SLC25A13: variants seen among roughly 807,000 people sequenced by gnomAD.
The protein encoded by SLC25A13 is solute carrier family 25 member 13, also known as electrogenic aspartate/glutamate antiporter SLC25A13, mitochondrial.
A neutral mutation model predicts 85.5 loss-of-function variants in SLC25A13; 70 were observed. The ratio of observed to expected loss-of-function variants is 0.82; its 90% CI spans 0.68 to 1.00. The LOEUF (loss-of-function observed/expected upper bound fraction) is 1.00, where lower values mean the gene tolerates loss of function less well. Among genes scored for constraint, SLC25A13 ranks in the 50% least tolerant of loss-of-function variants. The pLI is 0.00. For missense variants in SLC25A13, 765 were observed against 819.8 expected, an observed-to-expected ratio of 0.93 and a Z score of 0.82; for synonymous variants, 259 against 288.7, an observed-to-expected ratio of 0.90 and a Z score of 1.04.
At chr7:96,131,552 C>A (rs140299064) in intron 15 of SLC25A13, among the ~76,000 whole-genome samples, 191 bp downstream of exon 15, 100 of 152,290 alleles carry the variant, frequency 6.6e-4, no homozygotes, top group African/African-American at 2.2e-3. Flanking sequence ...TTAAGCTTGT[C>A]TAATAATCTC....
At chr7:96,152,617 G>A (rs1318409961) in intron 13 of SLC25A13, among the ~76,000 whole-genome samples, 1 of 152,200 alleles carries the variant, frequency 6.6e-6, no homozygotes, top group Admixed American at 6.5e-5. Context: ...GGCAGTGGAA[G>A]GGTGAGTTAA....
intron 11 of SLC25A13, among the ~76,000 whole-genome samples, chr7:96,177,826 A>G (rs2375044): frequency 0.42 from 64,181 of 151,932 alleles, 14,020 homozygotes; most frequent in East Asian, 0.61. Context: ...GTAGCACTCA[A>G]AGTTGAATTC....
Position 96,191,227 on chromosome 7 carries a change from G to C in SLC25A13, c.636C>G (p.Ser212=). 1 of 1,613,830 alleles carries C rather than the reference G, an allele frequency of 6.2e-7. No homozygotes were observed. Among genetic ancestry groups the C allele is most frequent in the South Asian group, 1.1e-5 (1 of 91,058 alleles). Reference sequence around the variant, plus strand: ...TAAAATAGGAGAAACTAACTTGATGGGATGTGGTACCTCCAGCAGCCTCAA... The same window carrying C: ...TAAAATAGGAGAAACTAACTTGATGCGATGTGGTACCTCCAGCAGCCTCAA... ...CLVAAAGGTT[S]HQVSFSYFNG... Residue 212 remains serine, a synonymous_variant, in exon 7 of 18, where the codon TCC becomes TCG. Coordinates refer to ENST00000265631, the MANE Select transcript of SLC25A13 (RefSeq NM_014251.3).
intron 4 of SLC25A13, among the ~76,000 whole-genome samples, chr7:96,228,830 C>A (rs988750754): frequency 3.1e-4 from 47 of 152,330 alleles, no homozygotes; most frequent in African/African-American, 1.1e-3. Flanking sequence ...CAGCCCTGGG[C>A]ACTGAGGGGC....
chr7:96,150,563 G>T (rs970070186), intron 13 of SLC25A13, among the ~76,000 whole-genome samples: 1 of 152,018 alleles, frequency 6.6e-6, no homozygotes, highest in East Asian at 1.9e-4. Context: ...TTGGAAACAG[G>T]GCCTTTAAAA....
rs529835831 is a variant in SLC25A13 at position 96,121,000 on chromosome 7, A to G, written c.*191T>C. 1.2e-4 allele frequency: 88 copies of G among 741,728 alleles called. No individual in the cohort carries two copies. The highest frequency in any genetic ancestry group is 1.8e-4 in the Non-Finnish European group (77 of 426,640). The allele number at this position is 741,728 out of a possible 1,614,324, so 45.9% of individuals were successfully genotyped here. A position where few individuals can be genotyped will look rare whatever the true frequency, so the allele number is the denominator to read the frequency against. On this transcript the variant is annotated 3_prime_UTR_variant, in exon 18 of 18. Transcript: ENST00000265631. ...CTGGGCAGAGGGCCAAATAATAATT[A>G]TGAATAATTTCACAATGATCTGGTT...
chr7:96,129,116 C>T (rs764674413), intron 15 of SLC25A13, among the ~76,000 whole-genome samples: 2 of 152,116 alleles, frequency 1.3e-5, no homozygotes, highest in Non-Finnish European at 2.9e-5. Flanking sequence ...GTGGCTTCTC[C>T]AATGTCAGTC....
chr7:96,219,607 T>C (rs535127454), intron 4 of SLC25A13: 10 of 497,690 alleles, frequency 2.0e-5, no homozygotes, highest in South Asian at 9.1e-5. Context: ...AGGAACTACA[T>C]TCCCTTGGAG....
chr7:96,280,660 A>G (rs764842719), intron 2 of SLC25A13, among the ~76,000 whole-genome samples: 1 of 152,184 alleles, frequency 6.6e-6, no homozygotes, highest in Non-Finnish European at 1.5e-5. Context: ...GGCTGCAGTG[A>G]GCCATGTTTG....
At chr7:96,197,993 T>C (rs990951853) in intron 5 of SLC25A13, among the ~76,000 whole-genome samples, 5 of 152,198 alleles carry the variant, frequency 3.3e-5, no homozygotes, top group African/African-American at 1.2e-4. Flanking sequence ...ATGGGCTACC[T>C]TGAAAAGTAG....
At chr7:96,211,578 T>G (rs1225416931) in intron 4 of SLC25A13, among the ~76,000 whole-genome samples, 1 of 152,202 alleles carries the variant, frequency 6.6e-6, no homozygotes, top group East Asian at 1.9e-4. Context: ...TATTAGCCCC[T>G]TCACAGCAAA....
At chr7:96,227,383 A>G (rs1796362320) in intron 4 of SLC25A13, among the ~76,000 whole-genome samples, 1 of 152,226 alleles carries the variant, frequency 6.6e-6, no homozygotes, top group Admixed American at 6.5e-5. Context: ...TAGATATTAT[A>G]CATATTCAAG....
chr7:96,294,017 C>G (rs1318906387), intron 2 of SLC25A13, among the ~76,000 whole-genome samples: 6 of 152,114 alleles, frequency 3.9e-5, no homozygotes, highest in Non-Finnish European at 5.9e-5. Flanking sequence ...ATAGCAAAGA[C>G]TTGGAACCAA....
At chr7:96,157,460 CA>C (rs1793326712) in intron 13 of SLC25A13, among the ~76,000 whole-genome samples, 2 of 152,152 alleles carry the variant, frequency 1.3e-5, no homozygotes, top group Non-Finnish European at 2.9e-5. Flanking sequence ...TCATTGTTGA[CA>C]CTTCTGGTTT....
At chr7:96,201,830 T>C (rs1032111836) in intron 5 of SLC25A13, among the ~76,000 whole-genome samples, 4 of 152,178 alleles carry the variant, frequency 2.6e-5, no homozygotes, top group African/African-American at 9.7e-5. Context: ...CTATAGCCTC[T>C]TGTGTTGAAA....
intron 3 of SLC25A13, among the ~76,000 whole-genome samples, chr7:96,276,673 T>C (rs761513734): frequency 6.6e-6 from 1 of 151,916 alleles, no homozygotes; most frequent in Non-Finnish European, 1.5e-5. Context: ...AGAAGACTGG[T>C]AGGGAAAAAA....
At chr7:96,149,319 G>T (rs1792925118) in intron 13 of SLC25A13, among the ~76,000 whole-genome samples, 1 of 152,170 alleles carries the variant, frequency 6.6e-6, no homozygotes, top group Non-Finnish European at 1.5e-5. Flanking sequence ...AAGTGGTGCT[G>T]TTATGAAAGG....
intron 3 of SLC25A13, among the ~76,000 whole-genome samples, chr7:96,270,481 G>T (rs1798197563): frequency 6.6e-6 from 1 of 151,952 alleles, no homozygotes. Flanking sequence ...ACTTGAACTA[G>T]GAGGCAGAGG....
intron 3 of SLC25A13, among the ~76,000 whole-genome samples, chr7:96,260,953 A>G (rs1224366139): frequency 1.3e-5 from 2 of 152,088 alleles, no homozygotes; most frequent in African/African-American, 4.8e-5. Flanking sequence ...CAATTCTACA[A>G]CATCTACATA....
Sources: allele counts gnomAD v4.1 joint callset (sites outside exome capture counted in the v4.1 genomes callset), GRCh38; gene constraint gnomAD v4.1.1; transcripts MANE v1.5; gene names NCBI Gene and HGNC (gene_info 2026-07-23, HGNC 2026-07-21).